OXA1L: variants seen among roughly 807,000 people sequenced by gnomAD.
OXA1L encodes the protein OXA1L mitochondrial inner membrane insertase.
Under a neutral mutation model 52.2 loss-of-function variants are expected in OXA1L, and 42 were observed. The observed-to-expected ratio is 0.80, with a 90% CI of 0.63 to 1.04. The LOEUF (loss-of-function observed/expected upper bound fraction) is 1.04. Among genes scored for constraint, OXA1L ranks in the 50% least tolerant of loss-of-function variants. The pLI, the probability that OXA1L is intolerant of heterozygous loss-of-function variation, is 0.00. For synonymous variants in OXA1L, 239 were observed against 201.9 expected, an observed-to-expected ratio of 1.18 and a Z score of -1.56; for missense variants, 572 against 555.0, an observed-to-expected ratio of 1.03 and a Z score of -0.31.
chr14:22,771,816 A>G lies in OXA1L; in HGVS notation c.*258A>G, dbSNP rs190196268. On this transcript the variant is annotated 3_prime_UTR_variant, in exon 10 of 10. Coordinates refer to ENST00000612549, the MANE Select transcript of OXA1L (RefSeq NM_005015.5). The stretch of plus-strand genomic sequence containing the variant: ...TTCCTGATACTTATTGAACAGGGAA[A>G]TCAGTGTGCACTTCAGAAAACTGAA... 1.9e-4 allele frequency: 88 copies of G among 453,090 alleles called. No homozygotes were observed. The highest frequency in any genetic ancestry group is 1.1e-3 in the East Asian group (30 of 26,756). The allele number at this position is 453,090 out of a possible 1,614,324, so 28.1% of individuals were successfully genotyped here. A position where few individuals can be genotyped will look rare whatever the true frequency, so the allele number is the denominator to read the frequency against.
chr14:22,766,720 T>C lies in OXA1L; in HGVS notation c.19T>C (p.Cys7Arg), dbSNP rs1382903798. The C allele has an allele frequency of 1.1e-5, 18 of 1,614,238 alleles. No individual in the cohort carries two copies. Among genetic ancestry groups the C allele is most frequent in the Non-Finnish European group, 1.4e-5 (16 of 1,180,036 alleles). Residue 7 changes from cysteine to arginine, a missense_variant, in exon 1 of 10, where the codon TGC becomes CGC. Physicochemically the swap from Cys to Arg is radical, Grantham distance 180. This residue lies in a region of OXA1L where 186 missense variants were observed against 151.8 expected (regional missense o/e 1.23). Transcript: ENST00000612549. The part of the protein sequence containing the change: MAMGLM[C>R]GRRELLRLLQ... ...GGGCAAAATGGCGATGGGACTAATG[T>C]GCGGACGCCGGGAGCTTCTGCGCTT...
Position 22,771,448 on chromosome 14 carries a change from A to G in OXA1L, c.1198A>G (p.Thr400Ala). The part of the protein sequence containing the change: ...ELAARGPLRQ[T>A]FTHNPLLQPG... ...TCTCCCCTCAGGTCCTTTACGACAGACCTTTACCCACAACCCTCTCCTACA... is the reference window on the plus strand; with the variant it reads ...TCTCCCCTCAGGTCCTTTACGACAGGCCTTTACCCACAACCCTCTCCTACA... Residue 400 changes from threonine to alanine, a missense_variant, in exon 10 of 10, where the codon ACC becomes GCC. Transcript: ENST00000612549. 1 of 1,614,120 alleles carries G rather than the reference A, an allele frequency of 6.2e-7. No homozygotes were observed. Among genetic ancestry groups the G allele is most frequent in the Non-Finnish European group, 8.5e-7 (1 of 1,180,028 alleles).
rs142280404 is a variant in OXA1L, at chr14:22,771,906, C to T, written c.*348C>T. The T allele has an allele frequency of 0.033, 7,097 of 218,364 alleles. 417 individuals carry two copies. The highest frequency in any genetic ancestry group is 0.13 in the African/African-American group (5,851 of 43,738). 13.5% of individuals were successfully genotyped at this position (218,364 alleles called of 1,614,324 possible). On this transcript the variant is annotated 3_prime_UTR_variant, in exon 10 of 10. Coordinates refer to ENST00000612549, the MANE Select transcript of OXA1L (RefSeq NM_005015.5). ...CCTGAGATCAGGAGTTTGAGACCAG[C>T]CTGGCCAACATGGGGAAACGCCATC...
intron 4 of OXA1L, 71 bp downstream of exon 4, chr14:22,770,005 A>G: frequency 6.4e-7 from 1 of 1,573,996 alleles, no homozygotes; most frequent in South Asian, 1.1e-5. Context: ...GCTGGGGGAA[A>G]GGAACAATGT....
chr14:22,770,802 C>G lies in OXA1L; in HGVS notation c.835-3C>G. 1 of 1,613,054 alleles carries G rather than the reference C, an allele frequency of 6.2e-7. No individual in the cohort carries two copies. The highest frequency in any genetic ancestry group is 1.1e-5 in the South Asian group (1 of 91,046). On this transcript the variant is annotated splice_region_variant and splice_polypyrimidine_tract_variant and intron_variant, in intron 6 of 9. Coordinates refer to ENST00000612549, the MANE Select transcript of OXA1L (RefSeq NM_005015.5). ...GACTTTTCCACCCCACTTCTTTTGG[C>G]AGCTAGGTGCTGAGACAGGTGTGCA...
rs1244159561 is a variant in OXA1L at position 22,772,151 on chromosome 14, T to G, written c.*593T>G. 1 of 152,048 alleles carries G rather than the reference T, an allele frequency of 6.6e-6. No homozygotes were observed. The highest frequency in any genetic ancestry group is 2.4e-5 in the African/African-American group (1 of 41,148). 9.4% of individuals were successfully genotyped at this position (152,048 alleles called of 1,614,324 possible). ...AGTCATGATTGCTTTTGCTGGCCCA[T>G]GGCCTTGGAAAATATAATGTTTTAA... is the stretch of plus-strand genomic sequence containing the variant. On this transcript the variant is annotated 3_prime_UTR_variant, in exon 10 of 10. Transcript: ENST00000612549.
chr14:22,766,785 A>G (rs2038408611), intron 1 of OXA1L, 21 bp downstream of exon 1: 2 of 1,613,706 alleles, frequency 1.2e-6, no homozygotes, highest in Non-Finnish European at 1.7e-6. Flanking sequence ...CCCGGGGCAG[A>G]GCACCGGGAT....
chr14:22,770,316 C>T (rs1309017946), intron 5 of OXA1L, 38 bp downstream of exon 5: 2 of 1,524,480 alleles, frequency 1.3e-6, no homozygotes, highest in African/African-American at 1.4e-5. Context: ...TCATCCAGTA[C>T]CCATGAAATT....
chr14:22,769,694 C>A, intron 3 of OXA1L, 97 bp from the exon 4 acceptor site: 2 of 1,305,908 alleles, frequency 1.5e-6, no homozygotes, highest in South Asian at 1.3e-5. Flanking sequence ...ATGGACAAGG[C>A]AAGAATAAGA....
chr14:22,768,382 G>A lies in OXA1L; in HGVS notation c.439+211G>A, dbSNP rs532303028. 4.1e-4 allele frequency: 236 copies of A among 580,214 alleles called. No individual in the cohort carries two copies. The highest frequency in any genetic ancestry group is 6.9e-4 in the Non-Finnish European group (223 of 324,200). The allele number at this position is 580,214 out of a possible 1,614,324, so 35.9% of individuals were successfully genotyped here. A position where few individuals can be genotyped will look rare whatever the true frequency, so the allele number is the denominator to read the frequency against. On this transcript the variant is annotated intron_variant, in intron 3 of 9. Transcript: ENST00000612549. Reference sequence around the variant, plus strand: ...CACCAGATCATCTGGGATTCAAGAAGTGTAGATATTTGAATACAAACATGG... The same window carrying A: ...CACCAGATCATCTGGGATTCAAGAAATGTAGATATTTGAATACAAACATGG...
At chr14:22,767,201 ACTTCT>A in intron 1 of OXA1L, 42 bp from the exon 2 acceptor site, 1 of 1,573,688 alleles carries the variant, frequency 6.4e-7, no homozygotes, top group Admixed American at 1.8e-5. Context: ...CCACGCGAGG[ACTTCT>A]GCTCCCGGTA....
Position 22,771,943 on chromosome 14 carries a change from A to G in OXA1L, c.*385A>G, listed in dbSNP as rs1742429538. ...GGGGAAACGCCATCTCTGCTGTTTT[A>G]CAAAAATAGCCACACGTGGTGGTGC... On this transcript the variant is annotated 3_prime_UTR_variant, in exon 10 of 10. Coordinates refer to ENST00000612549, the MANE Select transcript of OXA1L (RefSeq NM_005015.5). 9.8e-6 allele frequency: 2 copies of G among 203,058 alleles called. No individual in the cohort carries two copies. Among genetic ancestry groups the G allele is most frequent in the Non-Finnish European group, 2.0e-5 (2 of 98,964 alleles). The allele number at this position is 203,058 out of a possible 1,614,324, so 12.6% of individuals were successfully genotyped here.
chr14:22,769,768 C>A, intron 3 of OXA1L, 23 bp from the exon 4 acceptor site: 1 of 1,613,822 alleles, frequency 6.2e-7, no homozygotes, highest in South Asian at 1.1e-5. Context: ...AATTTCACTC[C>A]AATCCTAGTT....
In OXA1L at chr14:22,771,503, C is replaced by CCAG; in HGVS notation, c.1253_1254insCAG (p.Ser422dup). The CCAG allele has an allele frequency of 1.3e-6, 2 of 1,528,138 alleles. No individual in the cohort carries two copies. Among genetic ancestry groups the CCAG allele is most frequent in the Non-Finnish European group, 1.8e-6 (2 of 1,107,152 alleles). The allele number at this position is 1,528,138 out of a possible 1,614,324, so 94.7% of individuals were successfully genotyped here. On this transcript the variant is annotated inframe_insertion, in exon 10 of 10. Coordinates refer to ENST00000612549, the MANE Select transcript of OXA1L (RefSeq NM_005015.5). ...GGAAAGGATAACCCTCCCAATATCC[C>CCAG]TAGCAGCAGCAGCAAACCAAAGTCA...
chr14:22,766,954 G>A, intron 1 of OXA1L, 190 bp downstream of exon 1: 1 of 1,519,188 alleles, frequency 6.6e-7, no homozygotes, highest in Non-Finnish European at 8.8e-7. Flanking sequence ...CCCGGTGTCA[G>A]CTTCTGGAAT....
intron 3 of OXA1L, chr14:22,768,868 T>G (rs1265018599): frequency 6.6e-6 from 1 of 152,234 alleles, no homozygotes; most frequent in Non-Finnish European, 1.5e-5. Context: ...ATCCATCCCC[T>G]TAAGCATTTA....
intron 3 of OXA1L, 132 bp from the exon 4 acceptor site, chr14:22,769,659 G>T: frequency 1.1e-6 from 1 of 886,748 alleles, no homozygotes; most frequent in East Asian, 2.5e-5. Context: ...CCTTATTTCT[G>T]GGCCTCTTAG....
intron 1 of OXA1L, 60 bp downstream of exon 1, chr14:22,766,824 A>C: frequency 1.2e-6 from 2 of 1,604,592 alleles, no homozygotes. Flanking sequence ...ACCAGGCCCC[A>C]GGACAGCTCG....
intron 1 of OXA1L, chr14:22,766,978 G>A (rs1311971337): frequency 2.7e-5 from 41 of 1,529,226 alleles, no homozygotes; most frequent in Non-Finnish European, 3.6e-5. Context: ...CTTGGCTCCT[G>A]GCGAGAGCAC....
Sources: gnomAD v4.1 joint callset for allele counts on GRCh38, gnomAD v4.1.1 for gene constraint, gnomAD v4.1.1 regional missense constraint, MANE v1.5 for transcripts, NCBI Gene and HGNC (gene_info 2026-07-23, HGNC 2026-07-21) for gene names.